Variants in CADPS observed in about 807,000 individuals in gnomAD.
The protein encoded by CADPS is calcium dependent secretion activator.
CADPS carries 57 observed loss-of-function variants against 167.3 expected under a neutral mutation model. The observed-to-expected ratio is 0.34, with a 90% CI of 0.28 to 0.42. CADPS has a LOEUF of 0.42. Among genes scored for constraint, CADPS ranks in the 20% least tolerant of loss-of-function variants. The probability of loss-of-function intolerance (pLI) is 1.00; values close to 1 mark genes in which losing one functional copy is unlikely to be tolerated. For synonymous variants in CADPS, 676 were observed against 635.3 expected (o/e 1.06, Z -0.96); for missense variants, 1,414 against 1,738.1 (o/e 0.81, Z 3.32).
At chr3:62,637,529 C>A (rs1175985645) in intron 6 of CADPS, among the ~76,000 whole-genome samples, 1 of 152,180 alleles carries the variant, frequency 6.6e-6, no homozygotes, top group South Asian at 2.1e-4. Context: ...TGAGTGTGTA[C>A]ACTAATGTGG....
chr3:62,718,258 G>A (rs1429399516), intron 3 of CADPS, among the ~76,000 whole-genome samples: 2 of 152,070 alleles, frequency 1.3e-5, no homozygotes, highest in Non-Finnish European at 2.9e-5. Context: ...CATTGTAGGT[G>A]CTCAGTACAT....
intron 18 of CADPS, among the ~76,000 whole-genome samples, chr3:62,494,659 C>T (rs1351834281): frequency 3.1e-5 from 4 of 128,066 alleles, no homozygotes; most frequent in African/African-American, 6.2e-5. Context: ...ATACCTGGCT[C>T]TTACCAGCAA....
At chr3:62,788,410 C>T (rs138062685) in intron 1 of CADPS, among the ~76,000 whole-genome samples, 27 of 152,190 alleles carry the variant, frequency 1.8e-4, no homozygotes, top group East Asian at 5.8e-4. Flanking sequence ...CACTTCACCA[C>T]GAAGTCGGTG....
chr3:62,488,068 G>T (rs4688132), intron 21 of CADPS, among the ~76,000 whole-genome samples: 8,088 of 152,292 alleles, frequency 0.053, 346 homozygotes, highest in Admixed American at 0.13. Flanking sequence ...AAGGCTGTGT[G>T]TGTGTATGTA....
chr3:62,824,808 G>A (rs965607179), intron 1 of CADPS, among the ~76,000 whole-genome samples: 4 of 152,122 alleles, frequency 2.6e-5, no homozygotes. Context: ...CCTCTCTAAT[G>A]AGAGGTTCTT....
chr3:62,587,966 G>A (rs1451266917), intron 7 of CADPS, among the ~76,000 whole-genome samples: 3 of 152,162 alleles, frequency 2.0e-5, no homozygotes, highest in Admixed American at 2.0e-4. Context: ...CACCTCATCT[G>A]GACATTCCAG....
chr3:62,549,980 A>T lies in CADPS; in HGVS notation c.1889T>A (p.Val630Glu). ...GAGTTTCTGGACTTGGGTCGGGGGC[A>T]CAGGCTTGTGTGACTGCCCCGTGGC... ...YRATGQSHKP[V>E]PPTQVQKLNA... Residue 630 changes from valine to glutamate, a missense_variant, in exon 11 of 30, where the codon GTG becomes GAG. Physicochemically the swap from Val to Glu is moderately radical, Grantham distance 121. Transcript: ENST00000383710. 6.2e-7 allele frequency: 1 copy of T among 1,614,096 alleles called. No homozygotes were observed. Among genetic ancestry groups the T allele is most frequent in the South Asian group, 1.1e-5 (1 of 91,078 alleles).
At chr3:62,757,651 G>A (rs2084311887) in intron 2 of CADPS, among the ~76,000 whole-genome samples, 1 of 152,150 alleles carries the variant, frequency 6.6e-6, no homozygotes. Context: ...AAGAAATAAA[G>A]ATGTTGGCAC....
chr3:62,504,768 CAG>C (rs1295899334), intron 17 of CADPS, among the ~76,000 whole-genome samples: 1 of 152,028 alleles, frequency 6.6e-6, no homozygotes, highest in Non-Finnish European at 1.5e-5. Flanking sequence ...GCTTGGCTTC[CAG>C]AGAGAGAGTT....
At chr3:62,592,611 T>A in intron 7 of CADPS, 26 bp downstream of exon 7, 1 of 1,555,028 alleles carries the variant, frequency 6.4e-7, no homozygotes, top group Non-Finnish European at 8.9e-7. Context: ...CTCTGTGGAG[T>A]TCCCCTTGTG....
chr3:62,452,343 A>T (rs1185048162), intron 26 of CADPS, among the ~76,000 whole-genome samples: 1 of 139,252 alleles, frequency 7.2e-6, no homozygotes, highest in Non-Finnish European at 1.6e-5. Context: ...TAAATAAATT[A>T]AAAGAAAATA....
intron 13 of CADPS, among the ~76,000 whole-genome samples, 154 bp downstream of exon 13, chr3:62,532,715 CTT>C (rs1491281776): frequency 5.3e-4 from 35 of 66,146 alleles, no homozygotes; most frequent in African/African-American, 1.7e-3. Context: ...AGTTAGTGCC[CTT>C]TGTGTGTGTG....
chr3:62,801,301 G>C (rs1247372276), intron 1 of CADPS, among the ~76,000 whole-genome samples: 1 of 152,012 alleles, frequency 6.6e-6, no homozygotes, highest in Non-Finnish European at 1.5e-5. Flanking sequence ...CCCCACAACT[G>C]TTCTTTGGTT....
intron 21 of CADPS, among the ~76,000 whole-genome samples, chr3:62,490,104 A>G (rs937745607): frequency 1.1e-4 from 17 of 152,156 alleles, no homozygotes; most frequent in African/African-American, 4.1e-4. Flanking sequence ...CTTATACAGT[A>G]TAACATTAGA....
At chr3:62,451,023 G>C (rs1353766795) in intron 26 of CADPS, among the ~76,000 whole-genome samples, 1 of 151,730 alleles carries the variant, frequency 6.6e-6, no homozygotes, top group East Asian at 1.9e-4. Flanking sequence ...TTATTAATTA[G>C]CTATATTTAA....
chr3:62,638,077 T>TTATATATA (rs928423543), intron 6 of CADPS, among the ~76,000 whole-genome samples: 2,836 of 36,306 alleles, frequency 0.078, 102 homozygotes, highest in African/African-American at 0.09. Context: ...GTTTTAAGCA[T>TTATATATA]TATATATATA....
intron 9 of CADPS, among the ~76,000 whole-genome samples, chr3:62,568,921 C>T (rs2080789983): frequency 1.3e-5 from 2 of 152,158 alleles, no homozygotes; most frequent in African/African-American, 2.4e-5. Context: ...CTGCTGTTTG[C>T]ATATGTAGAA....
chr3:62,840,576 T>C (rs1014204650), intron 1 of CADPS, among the ~76,000 whole-genome samples: 50 of 152,236 alleles, frequency 3.3e-4, no homozygotes, highest in African/African-American at 1.2e-3. Flanking sequence ...TTTATATATG[T>C]ATATATAAAA....
At chr3:62,734,247 G>T (rs1564460242) in intron 3 of CADPS, among the ~76,000 whole-genome samples, 2 of 152,134 alleles carry the variant, frequency 1.3e-5, no homozygotes, top group Non-Finnish European at 2.9e-5. Flanking sequence ...TTTCTGTGAT[G>T]GTGGAAATGT....
Sources: gnomAD v4.1 joint callset for allele counts (sites outside exome capture counted in the v4.1 genomes callset) on GRCh38, gnomAD v4.1.1 for gene constraint, MANE v1.5 for transcripts, NCBI Gene and HGNC (gene_info 2026-07-23, HGNC 2026-07-21) for gene names.